Variants in POU4F2 observed in about 807,000 individuals in gnomAD.
POU4F2 encodes the protein POU domain, class 4, transcription factor 2.
A neutral mutation model predicts 21.5 loss-of-function variants in POU4F2; 10 were observed. The ratio of observed to expected loss-of-function variants is 0.46; its 90% CI spans 0.29 to 0.79. POU4F2 has a LOEUF of 0.79. Ranked by LOEUF, POU4F2 falls within the 30% of genes least tolerant of loss-of-function variation. The pLI is 0.10. For missense variants in POU4F2, 623 were observed against 603.3 expected (o/e 1.03, Z -0.34); for synonymous variants, 324 against 271.1 (o/e 1.20, Z -1.92).
rs60422325 is a variant in POU4F2, at chr4:146,641,856, T to TACACACACACACACAC, written c.*1059_*1074dup. 3.6e-4 allele frequency: 54 copies of TACACACACACACACAC among 148,778 alleles called. No individual in the cohort carries two copies. The highest frequency in any genetic ancestry group is 1.3e-3 in the African/African-American group (52 of 40,472). 9.2% of individuals were successfully genotyped at this position (148,778 alleles called of 1,614,324 possible). On this transcript the variant is annotated 3_prime_UTR_variant, in exon 2 of 2. Transcript: ENST00000281321. ...ACACATGAGCGCTCTCACTTACCCTTACACACACACACACACACACACACA... is the reference window on the plus strand; with the variant it reads ...ACACATGAGCGCTCTCACTTACCCTTACACACACACACACACACACACACACACACACACACACACA...
In POU4F2 at chr4:146,641,107, G is replaced by A. The variant is rs771505182; in HGVS notation, c.*299G>A. ...GTGTGGAGATGGCTGTTTGCAGGAA[G>A]GCAGACGAGACAGTGTTTAAAAAGT... On this transcript the variant is annotated 3_prime_UTR_variant, in exon 2 of 2. Coordinates refer to ENST00000281321, the MANE Select transcript of POU4F2 (RefSeq NM_004575.3). The A allele has an allele frequency of 1.4e-5, 4 of 291,892 alleles. No individual in the cohort carries two copies. Among genetic ancestry groups the A allele is most frequent in the Non-Finnish European group, 2.5e-5 (4 of 159,798 alleles). 18.1% of individuals were successfully genotyped at this position (291,892 alleles called of 1,614,324 possible).
rs551036484 is a variant in POU4F2, at chr4:146,639,569, C to T, written c.288+141C>T. The T allele has an allele frequency of 2.3e-3, 3,019 of 1,294,160 alleles. 10 individuals carry two copies. Among genetic ancestry groups the T allele is most frequent in the Admixed American group, 4.1e-3 (143 of 34,742 alleles). 80.2% of individuals were successfully genotyped at this position (1,294,160 alleles called of 1,614,324 possible). ...CCCTCTCTCTCTCTTAAGTATTCAG[C>T]AGGTCTTGCCTTTCATATTAATTTT... On this transcript the variant is annotated intron_variant, in intron 1 of 1. Transcript: ENST00000281321.
chr4:146,640,476 T>A lies in POU4F2; in HGVS notation c.898T>A (p.Cys300Ser). Residue 300 changes from cysteine to serine, a missense_variant, in exon 2 of 2, where the codon TGC (cysteine) becomes AGC (serine). Physicochemically the swap from Cys to Ser is moderately radical, Grantham distance 112. Around this residue, in one of 3 missense-constraint regions of POU4F2, gnomAD observed 523 missense variants for 504.1 expected, o/e 1.04. Transcript: ENST00000281321. The surrounding 1 kb of genome is among the most constrained non-coding windows in gnomAD (Gnocchi z 4.8). ...GGGCTCGCTTAGCCAGAGCACCATC[T>A]GCAGGTTCGAGTCCCTCACACTGTC... is the stretch of plus-strand genomic sequence containing the variant. Reference protein sequence around the residue: ...GVGSLSQSTICRFESLTLSHN... With the variant: ...GVGSLSQSTISRFESLTLSHN... 1.9e-6 allele frequency: 3 copies of A among 1,614,118 alleles called. No homozygotes were observed. The highest frequency in any genetic ancestry group is 2.5e-6 in the Non-Finnish European group (3 of 1,180,030).
chr4:146,640,380 C>A lies in POU4F2; in HGVS notation c.802C>A (p.Arg268=). ...LEAFAERFKQ[R]RIKLGVTQAD... Reference sequence around the variant, plus strand: ...GGCATTCGCCGAGCGCTTCAAGCAGCGACGCATCAAGCTGGGGGTGACCCA... The same window carrying A: ...GGCATTCGCCGAGCGCTTCAAGCAGAGACGCATCAAGCTGGGGGTGACCCA... The change falls in exon 2 of 2, where the codon CGA becomes AGA. Residue 268 remains arginine, a synonymous_variant. Transcript: ENST00000281321. This position sits in a 1 kb window ranked among gnomAD's most constrained non-coding sequence, Gnocchi z 4.8. 1 of 1,603,536 alleles carries A rather than the reference C, an allele frequency of 6.2e-7. No individual in the cohort carries two copies. The highest frequency in any genetic ancestry group is 8.5e-7 in the Non-Finnish European group (1 of 1,176,862).
chr4:146,641,541 C>T lies in POU4F2; in HGVS notation c.*733C>T, dbSNP rs1256634775. 3 of 152,654 alleles carry T rather than the reference C, an allele frequency of 2.0e-5. No individual in the cohort carries two copies. In the East Asian group the frequency reaches 5.8e-4, roughly 29 times the overall value. The allele number at this position is 152,654 out of a possible 1,614,324, so 9.5% of individuals were successfully genotyped here. A position where few individuals can be genotyped will look rare whatever the true frequency, so the allele number is the denominator to read the frequency against. On this transcript the variant is annotated 3_prime_UTR_variant, in exon 2 of 2. Coordinates refer to ENST00000281321, the MANE Select transcript of POU4F2 (RefSeq NM_004575.3). The stretch of plus-strand genomic sequence containing the variant: ...GTGCACATTCTAATTAATTAAACTT[C>T]TTCCGTCTAAAAAAAGTGGGGGAAA...
chr4:146,641,642 T>C lies in POU4F2; in HGVS notation c.*834T>C, dbSNP rs1740889035. On this transcript the variant is annotated 3_prime_UTR_variant, in exon 2 of 2. Transcript: ENST00000281321. ...TTTACAGCTTTCCTCCTATACTGTG[T>C]TCCTTTTGACCCATTTGTATATTCT... 6.6e-6 allele frequency: 1 copy of C among 152,664 alleles called. No individual in the cohort carries two copies. Among genetic ancestry groups the C allele is most frequent in the Admixed American group, 6.5e-5 (1 of 15,278 alleles). 9.5% of individuals were successfully genotyped at this position (152,664 alleles called of 1,614,324 possible). A position where few individuals can be genotyped will look rare whatever the true frequency, so the allele number is the denominator to read the frequency against.
Position 146,640,164 on chromosome 4 carries a change from C to G in POU4F2, c.586C>G (p.Leu196Val). The G allele has an allele frequency of 6.9e-6, 11 of 1,592,876 alleles. No individual in the cohort carries two copies. The highest frequency in any genetic ancestry group is 9.4e-6 in the Non-Finnish European group (11 of 1,175,966). The change falls in exon 2 of 2, where the codon CTG becomes GTG. Residue 196 changes from leucine to valine, a missense_variant. This residue lies in a region of POU4F2 where 523 missense variants were observed against 504.1 expected (regional missense o/e 1.04). Transcript: ENST00000281321. The surrounding 1 kb of genome is among the most constrained non-coding windows in gnomAD (Gnocchi z 4.8). ...QALEGELLEH[L>V]SPGLALGAMA... Reference sequence around the variant, plus strand: ...GCTGGAGGGCGAGCTGCTGGAGCACCTGAGTCCCGGGCTGGCCCTGGGCGC... The same window carrying G: ...GCTGGAGGGCGAGCTGCTGGAGCACGTGAGTCCCGGGCTGGCCCTGGGCGC...
rs756518481 is a variant in POU4F2 at position 146,639,302 on chromosome 4, TGGTGGCGGC to T, written c.165_173del (p.Gly66_Gly68del). On this transcript the variant is annotated inframe_deletion, in exon 1 of 2. Transcript: ENST00000281321. ...CCCCCAGCAGCTCGAGCAACGCTGG[TGGTGGCGGC>T]GGCGGCGGCGGCGGCGGCGGCGGCG... The T allele has an allele frequency of 6.2e-5, 91 of 1,463,272 alleles. No homozygotes were observed. Among genetic ancestry groups the T allele is most frequent in the Non-Finnish European group, 7.5e-5 (84 of 1,116,238 alleles). 90.6% of individuals were successfully genotyped at this position (1,463,272 alleles called of 1,614,324 possible).
rs1177104151 is a variant in POU4F2, at chr4:146,641,397, G to A, written c.*589G>A. 6.6e-6 allele frequency: 1 copy of A among 152,562 alleles called. No homozygotes were observed. The highest frequency in any genetic ancestry group is 2.4e-5 in the African/African-American group (1 of 41,434). The allele number at this position is 152,562 out of a possible 1,614,324, so 9.5% of individuals were successfully genotyped here. On this transcript the variant is annotated 3_prime_UTR_variant, in exon 2 of 2. Coordinates refer to ENST00000281321, the MANE Select transcript of POU4F2 (RefSeq NM_004575.3). ...TTACCCCCTTTTCCTTCTCTGAAGT[G>A]TTAATGCTTAAGAAAAGAGTTGCGC...
chr4:146,639,980 C>T lies in POU4F2; in HGVS notation c.402C>T (p.Ser134=). The T allele has an allele frequency of 1.9e-6, 3 of 1,613,164 alleles. No individual in the cohort carries two copies. The highest frequency in any genetic ancestry group is 2.2e-5 in the East Asian group (1 of 44,866). ...KSHHHHPPHH[S]PFKPDATYHT... Reference sequence around the variant, plus strand: ...ACCACCACCATCCACCCCACCACAGCCCCTTCAAACCGGACGCCACCTACC... The same window carrying T: ...ACCACCACCATCCACCCCACCACAGTCCCTTCAAACCGGACGCCACCTACC... Residue 134 remains serine (S), a synonymous_variant, in exon 2 of 2, where the codon AGC becomes AGT. Transcript: ENST00000281321.
chr4:146,640,481 G>A lies in POU4F2; in HGVS notation c.903G>A (p.Arg301=). 1.9e-6 allele frequency: 3 copies of A among 1,614,124 alleles called. No individual in the cohort carries two copies. Among genetic ancestry groups the A allele is most frequent in the East Asian group, 2.2e-5 (1 of 44,888 alleles). Residue 301 remains arginine (R), a synonymous_variant, in exon 2 of 2, where the codon AGG becomes AGA. Transcript: ENST00000281321. This position sits in a 1 kb window ranked among gnomAD's most constrained non-coding sequence, Gnocchi z 4.8. ...CGCTTAGCCAGAGCACCATCTGCAG[G>A]TTCGAGTCCCTCACACTGTCCCACA... ...VGSLSQSTIC[R]FESLTLSHNN...
Position 146,640,023 on chromosome 4 carries a change from C to G in POU4F2, c.445C>G (p.Pro149Ala). Residue 149 changes from proline to alanine, a missense_variant, in exon 2 of 2, where the codon CCG becomes GCG. Pro to Ala is a conservative substitution (Grantham distance 27). Around this residue, in one of 3 missense-constraint regions of POU4F2, gnomAD observed 523 missense variants for 504.1 expected, o/e 1.04. Transcript: ENST00000281321. This position sits in a 1 kb window ranked among gnomAD's most constrained non-coding sequence, Gnocchi z 4.8. ...DATYHTMNTI[P>A]CTSAASSSSV... Reference sequence around the variant, plus strand: ...CACCTACCACACTATGAATACCATCCCGTGCACGTCGGCCGCCTCTTCTTC... The same window carrying G: ...CACCTACCACACTATGAATACCATCGCGTGCACGTCGGCCGCCTCTTCTTC... The G allele has an allele frequency of 6.2e-7, 1 of 1,611,276 alleles. No homozygotes were observed.
At chr4:146,639,615 G>T (rs141506864) in intron 1 of POU4F2, among the ~76,000 whole-genome samples, 187 bp downstream of exon 1, 56 of 151,948 alleles carry the variant, frequency 3.7e-4, no homozygotes, top group African/African-American at 1.3e-3. Context: ...GATGTTGCCT[G>T]TGCGCGTGTT....
rs1740877210 is a variant in POU4F2, at chr4:146,640,990, C to G, written c.*182C>G. ...AGCCCAAGCCGGTGAGAATGTGAAA[C>G]AGTTTCTCAAAGGAAAGAATAACAA... On this transcript the variant is annotated 3_prime_UTR_variant, in exon 2 of 2. Coordinates refer to ENST00000281321, the MANE Select transcript of POU4F2 (RefSeq NM_004575.3). This position sits in a 1 kb window ranked among gnomAD's most constrained non-coding sequence, Gnocchi z 4.8. 1 of 605,802 alleles carries G rather than the reference C, an allele frequency of 1.7e-6. No individual in the cohort carries two copies. The allele number at this position is 605,802 out of a possible 1,614,324, so 37.5% of individuals were successfully genotyped here. A position where few individuals can be genotyped will look rare whatever the true frequency, so the allele number is the denominator to read the frequency against.
In POU4F2 at chr4:146,639,305, T is replaced by TGGTGGCGGC. The variant is rs1553998595; in HGVS notation, c.167_168insTGGCGGCGG (p.Gly66_Gly68dup). The TGGTGGCGGC allele has an allele frequency of 1.6e-5, 21 of 1,306,264 alleles. No individual in the cohort carries two copies. Among genetic ancestry groups the TGGTGGCGGC allele is most frequent in the African/African-American group, 7.7e-5 (5 of 64,848 alleles). 80.9% of individuals were successfully genotyped at this position (1,306,264 alleles called of 1,614,324 possible). A position where few individuals can be genotyped will look rare whatever the true frequency, so the allele number is the denominator to read the frequency against. On this transcript the variant is annotated inframe_insertion, in exon 1 of 2. Transcript: ENST00000281321. ...CCAGCAGCTCGAGCAACGCTGGTGG[T>TGGTGGCGGC]GGCGGCGGCGGCGGCGGCGGCGGCG...
Position 146,640,437 on chromosome 4 carries a change from A to C in POU4F2, c.859A>C (p.Lys287Gln), listed in dbSNP as rs376482978. 4.0e-5 allele frequency: 64 copies of C among 1,613,168 alleles called. No homozygotes were observed. The highest frequency in any genetic ancestry group is 5.3e-5 in the Non-Finnish European group (62 of 1,179,954). Residue 287 changes from lysine to glutamine, a missense_variant, in exon 2 of 2, where the codon AAG (lysine) becomes CAG (glutamine). By Grantham distance (53) the Lys-to-Gln change is moderately conservative. This residue lies in a region of POU4F2 where 523 missense variants were observed against 504.1 expected (regional missense o/e 1.04). Transcript: ENST00000281321. The surrounding 1 kb of genome is among the most constrained non-coding windows in gnomAD (Gnocchi z 4.8). ...TGTGGGCTCCGCGCTGGCCAACCTC[A>C]AGATCCCCGGCGTGGGCTCGCTTAG... is the stretch of plus-strand genomic sequence containing the variant. ...ADVGSALANL[K>Q]IPGVGSLSQS...
Position 146,638,951 on chromosome 4 carries a change from T to G in POU4F2, c.-190T>G. On this transcript the variant is annotated 5_prime_UTR_variant, in exon 1 of 2. Coordinates refer to ENST00000281321, the MANE Select transcript of POU4F2 (RefSeq NM_004575.3). ...AGCGGAGTCAGGCATCCGTTCAGAC[T>G]GACAGCAGAGGCGGCGAAGGAGCGC... 3 of 684,372 alleles carry G rather than the reference T, an allele frequency of 4.4e-6. No individual in the cohort carries two copies. Among genetic ancestry groups the G allele is most frequent in the Non-Finnish European group, 2.3e-6 (1 of 434,616 alleles). 42.4% of individuals were successfully genotyped at this position (684,372 alleles called of 1,614,324 possible).
In POU4F2 at chr4:146,639,242, G is replaced by C. The variant is rs1324967803; in HGVS notation, c.102G>C (p.Pro34=). The part of the protein sequence containing the change: ...PKYSALHSTS[P]GSSAPIAPSA... ...ACTCGGCACTGCACAGCACCTCGCC[G>C]GGCTCCTCGGCTCCCATCGCGCCCT... The change falls in exon 1 of 2, where the codon CCG becomes CCC. Residue 34 remains proline (P), a synonymous_variant. Transcript: ENST00000281321. 4.4e-6 allele frequency: 7 copies of C among 1,589,216 alleles called. No homozygotes were observed. Among genetic ancestry groups the C allele is most frequent in the East Asian group, 2.4e-5 (1 of 41,780 alleles).
Position 146,640,229 on chromosome 4 carries a change from T to G in POU4F2, c.651T>G (p.Ala217=), listed in dbSNP as rs373088055. The G allele has an allele frequency of 8.2e-6, 13 of 1,578,230 alleles. No homozygotes were observed. In the African/African-American group the frequency reaches 1.6e-4, roughly 20 times the overall value. The change falls in exon 2 of 2, where the codon GCT becomes GCG. Residue 217 remains alanine, a synonymous_variant. Coordinates refer to ENST00000281321, the MANE Select transcript of POU4F2 (RefSeq NM_004575.3). This position sits in a 1 kb window ranked among gnomAD's most constrained non-coding sequence, Gnocchi z 4.8. The stretch of plus-strand genomic sequence containing the variant: ...ACGGCGCTGTGGTGTCCACGCCGGC[T>G]CACGCGCCGCACATGGCCACCATGA... ...GPDGAVVSTP[A]HAPHMATMNP...
Sources: allele counts gnomAD v4.1 joint callset (sites outside exome capture counted in the v4.1 genomes callset), GRCh38; gene constraint gnomAD v4.1.1; regional missense constraint gnomAD v4.1.1; non-coding constraint Gnocchi (gnomAD v3.1); transcripts MANE v1.5; gene names NCBI Gene and HGNC (gene_info 2026-07-23, HGNC 2026-07-21).